The following IFIT3 variants were observed in gnomAD, a reference collection of about 807,000 sequenced individuals.
IFIT3 encodes the protein interferon-induced protein with tetratricopeptide repeats 3.
Under a neutral mutation model 2.4 loss-of-function variants are expected in IFIT3, and 2 were observed. The ratio of observed to expected loss-of-function variants is 0.82; its 90% confidence interval spans 0.34 to 2.60. The LOEUF (loss-of-function observed/expected upper bound fraction) is 2.60. Among genes scored for constraint, IFIT3 ranks in the 30% most tolerant of loss-of-function variants. IFIT3 has a pLI of 0.11. For synonymous variants in IFIT3, 203 were observed against 212.1 expected (o/e 0.96, Z 0.37); for missense variants, 481 against 562.4 (o/e 0.86, Z 1.46).
intron 1 of IFIT3, among the ~76,000 whole-genome samples, chr10:89,328,626 T>C (rs1166457322): frequency 6.6e-6 from 1 of 152,214 alleles, no homozygotes; most frequent in African/African-American, 2.4e-5. Context: ...TGCATTACTT[T>C]AAGGTGGGAA....
chr10:89,328,140 C>G, intron 1 of IFIT3, 62 bp downstream of exon 1: 2 of 1,505,164 alleles, frequency 1.3e-6, no homozygotes, highest in Non-Finnish European at 1.8e-6. Flanking sequence ...AGTTGAGTTT[C>G]TTACTGTGCA....
intron 1 of IFIT3, chr10:89,338,282 T>G (rs1843780060): frequency 5.6e-6 from 1 of 179,382 alleles, no homozygotes; most frequent in Non-Finnish European, 1.2e-5. Context: ...AGTCCAAGTC[T>G]AAAAGTCTGA....
At chr10:89,336,753 T>C (rs1309421411) in intron 1 of IFIT3, among the ~76,000 whole-genome samples, 1 of 134,758 alleles carries the variant, frequency 7.4e-6, no homozygotes, top group Admixed American at 7.0e-5. Flanking sequence ...GTTCATAACT[T>C]TTTTTCTGAA....
At chr10:89,330,104 C>T (rs1409344715) in intron 1 of IFIT3, among the ~76,000 whole-genome samples, 3 of 152,164 alleles carry the variant, frequency 2.0e-5, no homozygotes, top group Non-Finnish European at 4.4e-5. Context: ...TCAGTTAAGG[C>T]AGGAACTGGC....
Position 89,339,508 on chromosome 10 carries a change from T to C in IFIT3, c.853T>C (p.Tyr285His). ...CCTCTATCACCAGATTGGGTGCTGC[T>C]ACAAGGCAAAAGTAAGACAAATGCA... The part of the protein sequence containing the change: ...GYLYHQIGCC[Y>H]KAKVRQMQNT... The change falls in exon 2 of 2, where the codon TAC becomes CAC. Residue 285 changes from tyrosine to histidine, a missense_variant. By Grantham distance (83) the Tyr-to-His change is moderately conservative (BLOSUM62 2). Coordinates refer to ENST00000371818, the MANE Select transcript of IFIT3 (RefSeq NM_001549.6). The C allele has an allele frequency of 6.2e-7, 1 of 1,614,178 alleles. No individual in the cohort carries two copies. The highest frequency in any genetic ancestry group is 8.5e-7 in the Non-Finnish European group (1 of 1,180,022).
At chr10:89,329,391 G>A (rs1843628669) in intron 1 of IFIT3, among the ~76,000 whole-genome samples, 1 of 152,160 alleles carries the variant, frequency 6.6e-6, no homozygotes, top group Admixed American at 6.5e-5. Flanking sequence ...CGTCTTAGTA[G>A]CCAGCTTGCA....
rs183193526 is a variant in IFIT3, at chr10:89,334,956, C to A, written c.6-3705C>A. 2.2e-4 allele frequency among the ~76,000 whole-genome samples: 33 copies of A among 152,166 alleles called. No homozygotes were observed. In the East Asian group the frequency reaches 6.4e-3, roughly 29 times the overall value. On this transcript the variant is annotated intron_variant, in intron 1 of 1. Coordinates refer to ENST00000371818, the MANE Select transcript of IFIT3 (RefSeq NM_001549.6). ...TGAGATAAATTATTAAGTGAGGAAA[C>A]CTTGGCAATTGGAGTATTTGTTTTA...
chr10:89,328,154 A>C, intron 1 of IFIT3, 76 bp downstream of exon 1: 2 of 1,359,592 alleles, frequency 1.5e-6, no homozygotes, highest in Non-Finnish European at 2.1e-6. Context: ...CTGTGCAGGC[A>C]CATTCCTGAA....
chr10:89,337,374 T>C (rs1352536834), intron 1 of IFIT3, among the ~76,000 whole-genome samples: 1 of 152,168 alleles, frequency 6.6e-6, no homozygotes, highest in African/African-American at 2.4e-5. Context: ...GAATGAGAAC[T>C]GACTTGGTAT....
At chr10:89,336,705 G>A (rs1372012575) in intron 1 of IFIT3, among the ~76,000 whole-genome samples, 1 of 152,084 alleles carries the variant, frequency 6.6e-6, no homozygotes, top group East Asian at 1.9e-4. Context: ...CAGAATAGAT[G>A]GTTGGTATCT....
intron 1 of IFIT3, among the ~76,000 whole-genome samples, chr10:89,328,487 A>G (rs1843620540): frequency 6.6e-6 from 1 of 151,944 alleles, no homozygotes; most frequent in Non-Finnish European, 1.5e-5. Flanking sequence ...ATTTTGTTTG[A>G]AAAGATTAAG....
chr10:89,333,196 G>T (rs368948139), intron 1 of IFIT3, among the ~76,000 whole-genome samples: 3 of 152,268 alleles, frequency 2.0e-5, no homozygotes, highest in African/African-American at 7.2e-5. Context: ...CCTCCCACGT[G>T]ATCAATGAAC....
At chr10:89,338,246 C>A in intron 1 of IFIT3, 1 of 162,388 alleles carries the variant, frequency 6.2e-6, no homozygotes, top group Non-Finnish European at 1.4e-5. Context: ...AAGCTGGAGA[C>A]CAAGGAAAGT....
intron 1 of IFIT3, among the ~76,000 whole-genome samples, chr10:89,334,558 C>T (rs12259713): frequency 0.068 from 7,805 of 114,046 alleles, 497 homozygotes; most frequent in African/African-American, 0.22. Flanking sequence ...TGTAGTGGCC[C>T]GATCTTGGCT....
In IFIT3 at chr10:89,331,341, T is replaced by G. The variant is rs141330122; in HGVS notation, c.5+3263T>G. On this transcript the variant is annotated intron_variant, in intron 1 of 1. Transcript: ENST00000371818. ...AGCACGCCACTATGCCTGGTTAATT[T>G]TTTTGTATTTTAGTAGCAATGGGGT... Among the ~76,000 whole-genome samples the G allele has an allele frequency of 4.0e-3, 607 of 152,224 alleles. 5 individuals are homozygous for G. The highest frequency in any genetic ancestry group is 0.014 in the African/African-American group (571 of 41,534).
In IFIT3 at chr10:89,338,691, C is replaced by A. The variant is rs945652788; in HGVS notation, c.36C>A (p.Ile12=). Residue 12 remains isoleucine, a synonymous_variant, in exon 2 of 2, where the codon ATC becomes ATA. Coordinates refer to ENST00000371818, the MANE Select transcript of IFIT3 (RefSeq NM_001549.6). ...SEVTKNSLEK[I]LPQLKCHFTW... ...TCACCAAGAATTCCCTGGAGAAAAT[C>A]CTTCCACAGCTGAAATGCCATTTCA... 7.4e-6 allele frequency: 12 copies of A among 1,613,154 alleles called. No individual in the cohort carries two copies. Among genetic ancestry groups the A allele is most frequent in the Non-Finnish European group, 1.0e-5 (12 of 1,179,290 alleles).
intron 1 of IFIT3, among the ~76,000 whole-genome samples, chr10:89,331,261 C>T (rs1843646785): frequency 1.3e-5 from 2 of 152,186 alleles, no homozygotes; most frequent in South Asian, 2.1e-4. Context: ...CAGCCTCAGA[C>T]TCCTGGGCTC....
At chr10:89,332,439 A>T in intron 1 of IFIT3, 2 of 1,406,384 alleles carry the variant, frequency 1.4e-6, no homozygotes, top group Non-Finnish European at 1.9e-6. Flanking sequence ...ATTCTGTTTC[A>T]GTTTCCCCTC....
chr10:89,332,718 A>G (rs1843668710), intron 1 of IFIT3: 1 of 1,266,384 alleles, frequency 7.9e-7, no homozygotes, highest in Non-Finnish European at 1.2e-6. Flanking sequence ...TAGAGATGAA[A>G]TATGCATTTA....
Sources: gnomAD v4.1 joint callset for allele counts (sites outside exome capture counted in the v4.1 genomes callset) on GRCh38, gnomAD v4.1.1 for gene constraint, MANE v1.5 for transcripts, NCBI Gene and HGNC (gene_info 2026-07-23, HGNC 2026-07-21) for gene names.